Variants in MYO1E observed in about 807,000 individuals in gnomAD.
MYO1E encodes myosin IE, also known as unconventional myosin-Ie.
Under a neutral mutation model 151.1 loss-of-function variants are expected in MYO1E, and 68 were observed. That is an observed-to-expected ratio of 0.45 (90% confidence interval 0.37 to 0.55). The LOEUF is 0.55. Among genes scored for constraint, MYO1E ranks in the 20% least tolerant of loss-of-function variants. MYO1E has a pLI of 0.00. For synonymous variants in MYO1E, 601 were observed against 501.7 expected (o/e 1.20, Z -2.64); for missense variants, 1,363 against 1,389.3 (o/e 0.98, Z 0.30).
At chr15:59,289,314 T>TG (rs2080405730) in intron 1 of MYO1E, among the ~76,000 whole-genome samples, 1 of 152,222 alleles carries the variant, frequency 6.6e-6, no homozygotes, top group Admixed American at 6.5e-5. Flanking sequence ...TTATATAATT[T>TG]GAATTTCTCA....
intron 15 of MYO1E, among the ~76,000 whole-genome samples, chr15:59,204,786 G>C (rs935245154): frequency 6.6e-6 from 1 of 152,140 alleles, no homozygotes; most frequent in Non-Finnish European, 1.5e-5. Flanking sequence ...GTTAATGTGG[G>C]TCTTGCTAAG....
intron 2 of MYO1E, among the ~76,000 whole-genome samples, chr15:59,266,068 T>C (rs1485481722): frequency 6.6e-6 from 1 of 152,242 alleles, no homozygotes; most frequent in Non-Finnish European, 1.5e-5. Flanking sequence ...ATCGTAGTTA[T>C]TTCCGGTGAG....
rs369103059 is a variant in MYO1E at position 59,205,882 on chromosome 15, C to T, written c.1531-397G>A. Among the ~76,000 whole-genome samples, 126 of 152,274 alleles carry T rather than the reference C, an allele frequency of 8.3e-4. 1 individual carries two copies. The South Asian group carries it at 0.024, about 29-fold the overall frequency. The stretch of plus-strand genomic sequence containing the variant: ...AGCTAAGCCAGAGCAAAAGTGAAGC[C>T]CCTCATGCTCAGTAATTCACTGCAA... On this transcript the variant is annotated intron_variant, in intron 14 of 27. Coordinates refer to ENST00000288235, the MANE Select transcript of MYO1E (RefSeq NM_004998.4).
intron 1 of MYO1E, among the ~76,000 whole-genome samples, chr15:59,275,736 G>T (rs1224091292): frequency 6.6e-6 from 1 of 152,190 alleles, no homozygotes; most frequent in African/African-American, 2.4e-5. Flanking sequence ...CAAGGACAAG[G>T]TGGATCAATG....
At chr15:59,306,359 A>C (rs1360208663) in intron 1 of MYO1E, among the ~76,000 whole-genome samples, 1 of 152,052 alleles carries the variant, frequency 6.6e-6, no homozygotes, top group Non-Finnish European at 1.5e-5. Flanking sequence ...TTTTTGTCTT[A>C]CTCTTTCTTT....
intron 1 of MYO1E, among the ~76,000 whole-genome samples, chr15:59,280,565 T>C (rs1270648398): frequency 2.0e-5 from 3 of 146,878 alleles, no homozygotes; most frequent in Non-Finnish European, 4.4e-5. Context: ...GAGGTTGCAG[T>C]GAGCTGAGAT....
rs562483570 is a variant in MYO1E, at chr15:59,240,342, T to C, written c.333-3670A>G. ...AAGTCATAACAGACTTTATAGGAAATATTAATTCAAATAGGAAGTATTGTA... is the reference window on the plus strand; with the variant it reads ...AAGTCATAACAGACTTTATAGGAAACATTAATTCAAATAGGAAGTATTGTA... On this transcript the variant is annotated intron_variant, in intron 4 of 27. Coordinates refer to ENST00000288235, the MANE Select transcript of MYO1E (RefSeq NM_004998.4). Among the ~76,000 whole-genome samples the C allele has an allele frequency of 3.9e-5, 6 of 152,284 alleles. No individual in the cohort carries two copies. The Middle Eastern group carries it at 0.01, about 259-fold the overall frequency.
rs562435881 is a variant in MYO1E at position 59,224,843 on chromosome 15, G to C, written c.643-20C>G. The C allele has an allele frequency of 6.2e-7, 1 of 1,614,096 alleles. No homozygotes were observed. The highest frequency in any genetic ancestry group is 8.5e-7 in the Non-Finnish European group (1 of 1,180,032). ...GATGAGCTGGAGCAAGAGAACACAG[G>C]TTGAGCCATGATGTGGACCACAAGG... On this transcript the variant is annotated intron_variant, in intron 7 of 27. Transcript: ENST00000288235.
In MYO1E at chr15:59,209,815, C is replaced by CTTTT. The variant is rs71119441; in HGVS notation, c.1362+695_1362+698dup. ...CTGTATCACTTTTATTTTGAATCAC[C>CTTTT]TTTTTTTTTTTTTTTTTTTTTTTTT... On this transcript the variant is annotated intron_variant, in intron 13 of 27. Transcript: ENST00000288235. Among the ~76,000 whole-genome samples, 72 of 49,858 alleles carry CTTTT rather than the reference C, an allele frequency of 1.4e-3. 6 individuals carry two copies. Among genetic ancestry groups the CTTTT allele is most frequent in the African/African-American group, 4.8e-3 (48 of 9,976 alleles). The allele number at this position is 49,858 out of a possible 152,430, so 32.7% of individuals were successfully genotyped here.
At chr15:59,269,574 G>C (rs1317059822) in intron 2 of MYO1E, among the ~76,000 whole-genome samples, 2 of 152,202 alleles carry the variant, frequency 1.3e-5, no homozygotes, top group Admixed American at 1.3e-4. Context: ...ATTAAATGAA[G>C]CTGCTGGGCG....
intron 1 of MYO1E, among the ~76,000 whole-genome samples, chr15:59,299,847 A>G (rs2080471636): frequency 6.6e-6 from 1 of 152,202 alleles, no homozygotes; most frequent in African/African-American, 2.4e-5. Flanking sequence ...CATTTATGCC[A>G]TTTAAATTAA....
At chr15:59,272,802 C>G (rs1276759458) in intron 1 of MYO1E, among the ~76,000 whole-genome samples, 1 of 152,184 alleles carries the variant, frequency 6.6e-6, no homozygotes, top group Non-Finnish European at 1.5e-5. Flanking sequence ...CAGCACAACA[C>G]ACGGTTGACA....
chr15:59,223,232 C>A, intron 8 of MYO1E, 41 bp from the exon 9 acceptor site: 1 of 1,612,936 alleles, frequency 6.2e-7, no homozygotes. Context: ...AGCTGGTCAC[C>A]AGCTTTAAAA....
chr15:59,342,114 G>A (rs1300529136), intron 1 of MYO1E, among the ~76,000 whole-genome samples: 1 of 152,166 alleles, frequency 6.6e-6, no homozygotes, highest in Non-Finnish European at 1.5e-5. Flanking sequence ...TCATTGGCAT[G>A]TCTCTGATTT....
In MYO1E at chr15:59,248,471, G is replaced by C. The variant is rs1384816843; in HGVS notation, c.332+7813C>G. Among the ~76,000 whole-genome samples the C allele has an allele frequency of 7.6e-5, 10 of 132,038 alleles. No individual in the cohort carries two copies. The East Asian group carries it at 2.1e-3, about 28-fold the overall frequency. The allele number at this position is 132,038 out of a possible 152,430, so 86.6% of individuals were successfully genotyped here. A position where few individuals can be genotyped will look rare whatever the true frequency, so the allele number is the denominator to read the frequency against. On this transcript the variant is annotated intron_variant, in intron 4 of 27. Transcript: ENST00000288235. ...CACTGAACTCCAGCCTGAACGACAG[G>C]GTGAGACTCCATCTCAAAAAAAAAA...
intron 1 of MYO1E, among the ~76,000 whole-genome samples, chr15:59,306,642 T>C (rs1182584469): frequency 2.6e-5 from 4 of 152,240 alleles, no homozygotes; most frequent in African/African-American, 9.6e-5. Context: ...TAAAATGCCT[T>C]TATTTGTGAA....
chr15:59,178,971 C>A (rs1405929401), intron 18 of MYO1E, among the ~76,000 whole-genome samples: 1 of 152,226 alleles, frequency 6.6e-6, no homozygotes, highest in Non-Finnish European at 1.5e-5. Context: ...ATTATGACAA[C>A]TGTGTATCAA....
intron 4 of MYO1E, among the ~76,000 whole-genome samples, chr15:59,245,767 T>C (rs1394793805): frequency 6.6e-6 from 1 of 152,212 alleles, no homozygotes; most frequent in Non-Finnish European, 1.5e-5. Context: ...ATAAATGTTC[T>C]CCAAGGCCCG....
At chr15:59,182,273 C>A (rs569089230) in intron 18 of MYO1E, among the ~76,000 whole-genome samples, 4 of 152,024 alleles carry the variant, frequency 2.6e-5, no homozygotes, top group African/African-American at 9.7e-5. Context: ...AGTGCAGTGG[C>A]GCAGTCTTGG....
Sources: allele counts gnomAD v4.1 joint callset (sites outside exome capture counted in the v4.1 genomes callset), GRCh38; gene constraint gnomAD v4.1.1; transcripts MANE v1.5; gene names NCBI Gene and HGNC (gene_info 2026-07-23, HGNC 2026-07-21).